Variants in SLC16A9 observed in about 807,000 individuals in gnomAD.
SLC16A9 encodes solute carrier family 16 member 9.
SLC16A9 carries 26 observed loss-of-function variants against 44.3 expected under a neutral mutation model. The ratio of observed to expected loss-of-function variants is 0.59; its 90% CI spans 0.43 to 0.81. The LOEUF (loss-of-function observed/expected upper bound fraction) is 0.81. Among genes scored for constraint, SLC16A9 ranks in the 40% least tolerant of loss-of-function variants. The pLI is 0.00. For missense variants in SLC16A9, 559 were observed against 595.8 expected (o/e 0.94, Z 0.64); for synonymous variants, 230 against 225.1 (o/e 1.02, Z -0.19).
At chr10:59,663,464 T>C (rs1051932367) in intron 4 of SLC16A9, among the ~76,000 whole-genome samples, 7 of 152,164 alleles carry the variant, frequency 4.6e-5, no homozygotes, top group Admixed American at 4.6e-4. Context: ...TGCCGGGATA[T>C]GAGTGAAGCT....
At position 59,684,180 on chromosome 10, in the gene SLC16A9, T is replaced by C; in HGVS notation, c.112A>G (p.Ile38Val). ...GSPLAVGVLY[I>V]EWLDAFGEGK... ...TCACCAAAGGCATCCAGCCATTCTA[T>C]GTACAGGACTCCAACAGCTAGTGGG... Residue 38 changes from isoleucine (I) to valine (V), a missense_variant, in exon 2 of 6, where the codon ATA becomes GTA. Coordinates refer to ENST00000395348, the MANE Select transcript of SLC16A9 (RefSeq NM_194298.3). The C allele has an allele frequency of 6.2e-7, 1 of 1,614,138 alleles. No individual in the cohort carries two copies. The highest frequency in any genetic ancestry group is 8.5e-7 in the Non-Finnish European group (1 of 1,179,994).
In SLC16A9 at chr10:59,676,725, C is replaced by T. The variant is rs553862495; in HGVS notation, c.197-3812G>A. 1.8e-4 allele frequency among the ~76,000 whole-genome samples: 28 copies of T among 152,146 alleles called. No homozygotes were observed. The South Asian group carries it at 4.8e-3, about 26-fold the overall frequency. On this transcript the variant is annotated intron_variant, in intron 2 of 5. Coordinates refer to ENST00000395348, the MANE Select transcript of SLC16A9 (RefSeq NM_194298.3). ...AACACCTGAGGTCAGGAGTTCAAGA[C>T]CAGGTTGGCCAACATGGCGAAACCC...
At chr10:59,707,086 T>C (rs1840656138) in intron 1 of SLC16A9, among the ~76,000 whole-genome samples, 1 of 148,372 alleles carries the variant, frequency 6.7e-6, no homozygotes, top group Admixed American at 6.7e-5. Context: ...ACCCCATCTC[T>C]ACAAAAACAC....
intron 1 of SLC16A9, among the ~76,000 whole-genome samples, chr10:59,686,953 G>T (rs961522116): frequency 6.6e-6 from 1 of 152,204 alleles, no homozygotes; most frequent in Non-Finnish European, 1.5e-5. Flanking sequence ...TGCTGCCCAG[G>T]CTGGAGTGCA....
Position 59,684,252 on chromosome 10 carries a change from C to A in SLC16A9, c.40G>T (p.Val14Leu), listed in dbSNP as rs1840084976. ...GTAAGGAAGGAGACAAACACAATCA[C>A]CCAGCCCCATCCACCGTCAGGCGAC... is the stretch of plus-strand genomic sequence containing the variant. ...KKSPDGGWGW[V>L]IVFVSFLTQF... Residue 14 changes from valine to leucine, a missense_variant, in exon 2 of 6, where the codon GTG becomes TTG. By Grantham distance (32) the Val-to-Leu change is conservative. Transcript: ENST00000395348. 6.2e-7 allele frequency: 1 copy of A among 1,613,742 alleles called. No individual in the cohort carries two copies. Among genetic ancestry groups the A allele is most frequent in the Non-Finnish European group, 8.5e-7 (1 of 1,179,940 alleles).
intron 3 of SLC16A9, among the ~76,000 whole-genome samples, chr10:59,671,882 G>T (rs560716568): frequency 6.6e-6 from 1 of 152,278 alleles, no homozygotes; most frequent in Admixed American, 6.5e-5. Context: ...CTTGTGAAGA[G>T]GAAATGAGAT....
rs749448585 is a variant in SLC16A9, at chr10:59,654,485, T to C, written c.541A>G (p.Ile181Val). The C allele has an allele frequency of 1.2e-6, 2 of 1,612,448 alleles. No homozygotes were observed. Among genetic ancestry groups the C allele is most frequent in the Non-Finnish European group, 1.7e-6 (2 of 1,180,030 alleles). ...LLIVGALALN[I>V]LACGSLMRPL... ...CTCATCAGACTGCCACAGGCTAATA[T>C]ATTTAAAGCTAAAGCACCCACAATC... Residue 181 changes from isoleucine to valine, a missense_variant, in exon 5 of 6, where the codon ATA becomes GTA. Coordinates refer to ENST00000395348, the MANE Select transcript of SLC16A9 (RefSeq NM_194298.3).
At chr10:59,694,432 G>C (rs1246090534) in intron 1 of SLC16A9, among the ~76,000 whole-genome samples, 1 of 152,082 alleles carries the variant, frequency 6.6e-6, no homozygotes, top group Non-Finnish European at 1.5e-5. Context: ...AAAAATGAAT[G>C]CTATTAGCCA....
chr10:59,676,712 C>A (rs1839865155), intron 2 of SLC16A9, among the ~76,000 whole-genome samples: 1 of 152,052 alleles, frequency 6.6e-6, no homozygotes, highest in African/African-American at 2.4e-5. Context: ...CACCTGAGGT[C>A]AGGAGTTCAA....
chr10:59,650,979 G>A lies in SLC16A9; in HGVS notation c.*1793C>T, dbSNP rs1414431319. 7.1e-6 allele frequency: 1 copy of A among 140,426 alleles called. No homozygotes were observed. Among genetic ancestry groups the A allele is most frequent in the Non-Finnish European group, 1.6e-5 (1 of 62,240 alleles). 8.7% of individuals were successfully genotyped at this position (140,426 alleles called of 1,614,324 possible). A position where few individuals can be genotyped will look rare whatever the true frequency, so the allele number is the denominator to read the frequency against. On this transcript the variant is annotated 3_prime_UTR_variant, in exon 6 of 6. Transcript: ENST00000395348. ...CAAAAAGGAACTTTCAACACAACAA[G>A]TAGTTTAGTTTTTTTTTTTTTTATG...
At chr10:59,674,988 T>G (rs1839827950) in intron 2 of SLC16A9, among the ~76,000 whole-genome samples, 1 of 152,232 alleles carries the variant, frequency 6.6e-6, no homozygotes, top group African/African-American at 2.4e-5. Context: ...CAAATGATTT[T>G]TTTTGAAGAA....
chr10:59,694,199 A>G (rs1171640), intron 1 of SLC16A9, among the ~76,000 whole-genome samples: 42,208 of 151,896 alleles, frequency 0.28, 6,563 homozygotes, highest in East Asian at 0.62. Flanking sequence ...TCGGCCTCCC[A>G]AAGTGCTGGG....
rs775989080 is a variant in SLC16A9 at position 59,652,913 on chromosome 10, T to C, written c.1389A>G (p.Ala463=). ...FYDWTQTYDI[A]FYFSGFCVLL... is the part of the protein sequence containing the mutation. ...GGACGCAGAAGCCACTAAAATAAAA[T>C]GCAATATCATAGGTCTGGGTCCAGT... The change falls in exon 6 of 6, where the codon GCA becomes GCG. Residue 463 remains alanine (A), a synonymous_variant. Coordinates refer to ENST00000395348, the MANE Select transcript of SLC16A9 (RefSeq NM_194298.3). 8 of 1,613,236 alleles carry C rather than the reference T, an allele frequency of 5.0e-6. No homozygotes were observed. The highest frequency in any genetic ancestry group is 1.3e-5 in the African/African-American group (1 of 74,808).
chr10:59,654,134 C>A lies in SLC16A9; in HGVS notation c.892G>T (p.Val298Leu). The change falls in exon 5 of 6, where the codon GTG becomes TTG. Residue 298 changes from valine to leucine, a missense_variant. Val to Leu is a conservative substitution (Grantham distance 32). Transcript: ENST00000395348. ...QLYKNYCGETVALFKNKVFSA... is the reference protein window; with the variant it reads ...QLYKNYCGETLALFKNKVFSA... ...AATACTTTGTTTTTAAAAAGAGCCA[C>A]AGTTTCACCACAGTAGTTTTTATAT... The A allele has an allele frequency of 6.2e-7, 1 of 1,614,140 alleles. No individual in the cohort carries two copies. Among genetic ancestry groups the A allele is most frequent in the South Asian group, 1.1e-5 (1 of 91,080 alleles).
intron 2 of SLC16A9, 29 bp downstream of exon 2, chr10:59,684,067 T>A: frequency 6.3e-7 from 1 of 1,576,496 alleles, no homozygotes; most frequent in South Asian, 1.1e-5. Context: ...GATTAAAGAG[T>A]AAAGAGAGGC....
chr10:59,668,929 T>C (rs980943479), intron 3 of SLC16A9, among the ~76,000 whole-genome samples: 1 of 152,166 alleles, frequency 6.6e-6, no homozygotes, highest in Non-Finnish European at 1.5e-5. Flanking sequence ...CAGGAAATGC[T>C]CTTTATCTCA....
intron 4 of SLC16A9, among the ~76,000 whole-genome samples, chr10:59,662,217 A>T (rs1166469642): frequency 6.6e-6 from 1 of 152,144 alleles, no homozygotes; most frequent in Non-Finnish European, 1.5e-5. Flanking sequence ...AATGGGAGAA[A>T]ATATTTGCAA....
rs185740281 is a variant in SLC16A9, at chr10:59,663,273, A to G, written c.436+954T>C. ...CTACTCGGGAGGCTGAGACAGGAGA[A>G]TCACTTGAACCCGGGAGGCAGAGGT... On this transcript the variant is annotated intron_variant, in intron 4 of 5. Coordinates refer to ENST00000395348, the MANE Select transcript of SLC16A9 (RefSeq NM_194298.3). 1.0e-3 allele frequency among the ~76,000 whole-genome samples: 157 copies of G among 152,248 alleles called. No individual in the cohort carries two copies. In the East Asian group the frequency reaches 0.025, roughly 24 times the overall value.
At chr10:59,672,980 C>A in intron 2 of SLC16A9, 67 bp from the exon 3 acceptor site, 1 of 1,477,970 alleles carries the variant, frequency 6.8e-7, no homozygotes. Flanking sequence ...CAAAATGATT[C>A]TTTCCACCAT....
Sources: allele counts gnomAD v4.1 joint callset (sites outside exome capture counted in the v4.1 genomes callset), GRCh38; gene constraint gnomAD v4.1.1; transcripts MANE v1.5; gene names NCBI Gene and HGNC (gene_info 2026-07-23, HGNC 2026-07-21).